The following KEL variants were observed in gnomAD, a reference collection of about 807,000 sequenced individuals.
KEL encodes kell blood group glycoprotein.
In KEL, 96 loss-of-function variants were observed where a neutral mutation model predicts 99.5. The observed-to-expected ratio is 0.97, with a 90% confidence interval of 0.82 to 1.14. KEL has a LOEUF of 1.14. Ranked by LOEUF, KEL falls within the 50% of genes most tolerant of loss-of-function variation. The pLI, the probability that KEL is intolerant of heterozygous loss-of-function variation, is 0.00. For missense variants in KEL, 926 were observed against 924.2 expected (o/e 1.00, Z -0.03); for synonymous variants, 355 against 354.8 (o/e 1.00, Z -0.01).
At chr7:142,953,490 C>G in intron 9 of KEL, 1 of 687,320 alleles carries the variant, frequency 1.5e-6, no homozygotes, top group African/African-American at 1.9e-5. Flanking sequence ...GGTCTTCCAG[C>G]ATCTTCTACA....
rs1217854452 is a variant in KEL, at chr7:142,954,211, G to A, written c.897C>T (p.Phe299=). 3 of 1,612,030 alleles carry A rather than the reference G, an allele frequency of 1.9e-6. No individual in the cohort carries two copies. Among genetic ancestry groups the A allele is most frequent in the African/African-American group, 2.7e-5 (2 of 74,904 alleles). ...TGAGCTGGTCGATAGTGACCATCTG[G>A]AAGAGCTTGCCCTGTGCCCGCCGCT... is the stretch of plus-strand genomic sequence containing the variant. ...LEQRRAQGKL[F]QMVTIDQLKE... The change falls in exon 8 of 19, where the codon TTC becomes TTT. Residue 299 remains phenylalanine (F), a synonymous_variant. Coordinates refer to ENST00000355265, the MANE Select transcript of KEL (RefSeq NM_000420.3).
intron 6 of KEL, among the ~76,000 whole-genome samples, chr7:142,955,250 T>A (rs1796800319): frequency 6.6e-6 from 1 of 152,172 alleles, no homozygotes; most frequent in East Asian, 1.9e-4. Flanking sequence ...GTATGATAAA[T>A]AAAATCTCAA....
At chr7:142,962,008 T>C (rs1796972103) in intron 1 of KEL, 136 bp from the exon 2 acceptor site, 1 of 1,609,780 alleles carries the variant, frequency 6.2e-7, no homozygotes, top group Admixed American at 1.7e-5. Flanking sequence ...CTCGGAGCAG[T>C]GTTCCCAGAT....
chr7:142,943,826 C>G lies in KEL; in HGVS notation c.1549G>C (p.Ala517Pro). 3.1e-6 allele frequency: 5 copies of G among 1,614,180 alleles called. No homozygotes were observed. The highest frequency in any genetic ancestry group is 4.2e-6 in the Non-Finnish European group (5 of 1,180,024). ...TGCAAGAAGCTCTGGACAATTCTAG[C>G]TCGGAGGGACCGGACACAGCTCAGG... ...SVLSCVRSLR[A>P]RIVQSFLQPH... is the part of the protein sequence containing the mutation. The change falls in exon 14 of 19, where the codon GCT (alanine) becomes CCT (proline). Residue 517 changes from alanine (A) to proline (P), a missense_variant. Physicochemically the swap from Ala to Pro is conservative, Grantham distance 27. Coordinates refer to ENST00000355265, the MANE Select transcript of KEL (RefSeq NM_000420.3).
At chr7:142,944,572 C>T in intron 12 of KEL, 71 bp downstream of exon 12, 1 of 1,372,460 alleles carries the variant, frequency 7.3e-7, no homozygotes, top group South Asian at 1.2e-5. Context: ...TGCTTCCAAT[C>T]CCCATCTCGC....
At chr7:142,946,169 G>T (rs1248630772) in intron 11 of KEL, 38 bp downstream of exon 11, 2 of 1,398,144 alleles carry the variant, frequency 1.4e-6, no homozygotes, top group African/African-American at 1.4e-5. Flanking sequence ...GGGTAGGAAG[G>T]GGTGGAGGGA....
chr7:142,947,878 G>T (rs769047171), intron 10 of KEL, among the ~76,000 whole-genome samples: 5 of 152,210 alleles, frequency 3.3e-5, no homozygotes, highest in African/African-American at 1.2e-4. Flanking sequence ...TGCATGAGTT[G>T]GAGCTCTGAA....
chr7:142,943,357 G>A lies in KEL; in HGVS notation c.1704-14C>T. 1 of 1,613,952 alleles carries A rather than the reference G, an allele frequency of 6.2e-7. No homozygotes were observed. Among genetic ancestry groups the A allele is most frequent in the Non-Finnish European group, 8.5e-7 (1 of 1,179,944 alleles). On this transcript the variant is annotated splice_polypyrimidine_tract_variant and intron_variant, in intron 15 of 18. Coordinates refer to ENST00000355265, the MANE Select transcript of KEL (RefSeq NM_000420.3). ...AAGTTCACGGCTCTAGGGAGACAAG[G>A]GCTTATTTGACCCCCAGAATCTCTC...
Position 142,942,981 on chromosome 7 carries a change from T to C in KEL, c.1835A>G (p.Lys612Arg). ...HALQEAHLCL[K>R]RHYAAFPLPS... ...TAATGGAAAGGCAGCATAATGGCGC[T>C]TCAGGCACAGGTGAGCTTCCTGGAG... Residue 612 changes from lysine (K) to arginine (R), a missense_variant, in exon 17 of 19, where the codon AAG becomes AGG. Lys to Arg is a conservative substitution (Grantham distance 26). Transcript: ENST00000355265. 6 of 1,614,188 alleles carry C rather than the reference T, an allele frequency of 3.7e-6. No individual in the cohort carries two copies. Among genetic ancestry groups the C allele is most frequent in the South Asian group, 1.1e-5 (1 of 91,082 alleles).
At position 142,957,926 on chromosome 7, in the gene KEL, G is replaced by C; in HGVS notation, c.573C>G (p.Asn191Lys). 1 of 1,614,112 alleles carries C rather than the reference G, an allele frequency of 6.2e-7. No homozygotes were observed. The highest frequency in any genetic ancestry group is 1.3e-5 in the African/African-American group (1 of 75,024). ...ISGKWTSLNF[N>K]RTLRLLMSQY... ...GACTCATCAGAAGTCTCAGCGTTCG[G>C]TTAAAGTTTAAGGAAGTCCATTTAC... The change falls in exon 6 of 19, where the codon AAC (asparagine) becomes AAG (lysine). Residue 191 changes from asparagine to lysine, a missense_variant. By Grantham distance (94) the Asn-to-Lys change is moderately conservative. Transcript: ENST00000355265.
intron 4 of KEL, among the ~76,000 whole-genome samples, chr7:142,959,812 T>C (rs1021909985): frequency 6.6e-6 from 1 of 152,208 alleles, no homozygotes; most frequent in Non-Finnish European, 1.5e-5. Flanking sequence ...GCATATTTTT[T>C]CTTTTTATCT....
chr7:142,961,910 G>A (rs745441191), intron 1 of KEL, 38 bp from the exon 2 acceptor site: 49 of 1,609,152 alleles, frequency 3.0e-5, no homozygotes, highest in Non-Finnish European at 3.9e-5. Flanking sequence ...GAGAGAAGCT[G>A]GTTCAGGAAA....
Position 142,953,384 on chromosome 7 carries a change from C to A in KEL, c.1073+424G>T, listed in dbSNP as rs1796739239. ...TTCCCCTAAGCATCCCCAGCCTTCA[C>A]CATGTTCATCTCCTCATCTCATGTG... is the stretch of plus-strand genomic sequence containing the variant. On this transcript the variant is annotated intron_variant, in intron 9 of 18. Coordinates refer to ENST00000355265, the MANE Select transcript of KEL (RefSeq NM_000420.3). The A allele has an allele frequency of 5.1e-6, 5 of 984,978 alleles. No individual in the cohort carries two copies. The South Asian group carries it at 1.9e-4, about 37-fold the overall frequency. 61.0% of individuals were successfully genotyped at this position (984,978 alleles called of 1,614,324 possible).
chr7:142,949,318 G>A (rs1796615406), intron 10 of KEL, among the ~76,000 whole-genome samples: 1 of 152,230 alleles, frequency 6.6e-6, no homozygotes, highest in Non-Finnish European at 1.5e-5. Flanking sequence ...GATGTTGAAT[G>A]ATAGTGCAAT....
At chr7:142,958,255 G>A (rs781665958) in intron 5 of KEL, 49 bp downstream of exon 5, 6 of 1,613,300 alleles carry the variant, frequency 3.7e-6, no homozygotes, top group Non-Finnish European at 5.1e-6. Context: ...GCATGCATTG[G>A]TCCCATATGT....
Position 142,961,892 on chromosome 7 carries a change from A to G in KEL, c.4-20T>C. The stretch of plus-strand genomic sequence containing the variant: ...ACCTTCCTGAAGTGAGTGGAGGGAG[A>G]AGGAGGAGAGAGAAGCTGGTTCAGG... On this transcript the variant is annotated intron_variant, in intron 1 of 18. Transcript: ENST00000355265. 1 of 1,612,840 alleles carries G rather than the reference A, an allele frequency of 6.2e-7. No individual in the cohort carries two copies. Among genetic ancestry groups the G allele is most frequent in the Non-Finnish European group, 8.5e-7 (1 of 1,178,938 alleles).
intron 10 of KEL, among the ~76,000 whole-genome samples, chr7:142,948,899 G>GAC (rs72104159): frequency 0.026 from 3,684 of 142,192 alleles, 58 homozygotes; most frequent in East Asian, 0.079. Flanking sequence ...AAGCTTCACA[G>GAC]ACACACACAC....
rs764504426 is a variant in KEL, at chr7:142,944,778, C to T, written c.1315-37G>A. ...AGGTCCAGGGACAGGGGGACAGGAT[C>T]AGGAGAGGCCTCAGCCTGGCCCTGC... is the stretch of plus-strand genomic sequence containing the variant. On this transcript the variant is annotated intron_variant, in intron 11 of 18. Transcript: ENST00000355265. 9.3e-6 allele frequency: 14 copies of T among 1,512,526 alleles called. No individual in the cohort carries two copies. The East Asian group carries it at 2.5e-4, about 27-fold the overall frequency. The allele number at this position is 1,512,526 out of a possible 1,614,324, so 93.7% of individuals were successfully genotyped here. A position where few individuals can be genotyped will look rare whatever the true frequency, so the allele number is the denominator to read the frequency against.
intron 18 of KEL, among the ~76,000 whole-genome samples, chr7:142,941,809 C>CT (rs1265633468): frequency 0.02 from 2,737 of 137,662 alleles, 72 homozygotes; most frequent in African/African-American, 0.065. Context: ...CTGTCGCAGG[C>CT]TTTTTTTTTT....
Sources: gnomAD v4.1 joint callset for allele counts (sites outside exome capture counted in the v4.1 genomes callset) on GRCh38, gnomAD v4.1.1 for gene constraint, MANE v1.5 for transcripts, NCBI Gene and HGNC (gene_info 2026-07-23, HGNC 2026-07-21) for gene names.